The following GALNT18 variants were observed in gnomAD, a reference collection of about 807,000 sequenced individuals.
GALNT18 encodes the protein GalNAc-transferase 18.
GALNT18 carries 44 observed loss-of-function variants against 69.5 expected under a neutral mutation model. The observed-to-expected ratio is 0.63, with a 90% CI of 0.50 to 0.81. The LOEUF is 0.81. GALNT18 is among the 40% of genes least tolerant of loss of function. The pLI, the probability that GALNT18 is intolerant of heterozygous loss-of-function variation, is 0.00. For synonymous variants in GALNT18, 364 were observed against 318.2 expected (o/e 1.14, Z -1.53); for missense variants, 715 against 810.0 (o/e 0.88, Z 1.42).
chr11:11,472,640 T>C (rs1856298380), intron 1 of GALNT18, among the ~76,000 whole-genome samples: 2 of 152,188 alleles, frequency 1.3e-5, no homozygotes, highest in African/African-American at 4.8e-5. Flanking sequence ...GTAATAAAAC[T>C]AATGATTACA....
rs12282462 is a variant in GALNT18 at position 11,359,381 on chromosome 11, A to G, written c.1092+13134T>C. On this transcript the variant is annotated intron_variant, in intron 6 of 10. Coordinates refer to ENST00000227756, the MANE Select transcript of GALNT18 (RefSeq NM_198516.3). ...TTTCCAGCCCTTTAACCGTGGATAC[A>G]TATTTTTTAAAGTCTCAAATAGCAG... Among the ~76,000 whole-genome samples, 4 of 107,636 alleles carry G rather than the reference A, an allele frequency of 3.7e-5. No homozygotes were observed. In the South Asian group the frequency reaches 9.7e-4, roughly 26 times the overall value. 70.6% of individuals were successfully genotyped at this position (107,636 alleles called of 152,430 possible). A position where few individuals can be genotyped will look rare whatever the true frequency, so the allele number is the denominator to read the frequency against.
rs118152761 is a variant in GALNT18, at chr11:11,284,754, G to A, written c.1677+8275C>T. Among the ~76,000 whole-genome samples the A allele has an allele frequency of 6.4e-4, 97 of 152,220 alleles. 1 individual carries two copies. In the East Asian group the frequency reaches 0.016, roughly 25 times the overall value. On this transcript the variant is annotated intron_variant, in intron 10 of 10. Transcript: ENST00000227756. ...GTGAGCTCAGGAGTTTCTAGGTTAAGTAGTTAATGATTAGTAATCAAATAC... is the reference window on the plus strand; with the variant it reads ...GTGAGCTCAGGAGTTTCTAGGTTAAATAGTTAATGATTAGTAATCAAATAC...
intron 4 of GALNT18, among the ~76,000 whole-genome samples, chr11:11,378,863 A>G (rs1416374571): frequency 1.3e-5 from 2 of 152,076 alleles, no homozygotes; most frequent in East Asian, 3.9e-4. Flanking sequence ...CCGTGTGCTG[A>G]CCTGTTGACC....
chr11:11,547,624 C>G (rs1174002329), intron 1 of GALNT18, among the ~76,000 whole-genome samples: 4 of 152,170 alleles, frequency 2.6e-5, no homozygotes, highest in Non-Finnish European at 5.9e-5. Flanking sequence ...CTCCACAGGA[C>G]CTGCTTGCTC....
chr11:11,364,875 G>C (rs1398756117), intron 6 of GALNT18, among the ~76,000 whole-genome samples: 2 of 152,210 alleles, frequency 1.3e-5, no homozygotes, highest in Non-Finnish European at 2.9e-5. Context: ...GGATTAGGCA[G>C]AGGTAAAGAT....
chr11:11,615,740 T>C (rs973664507), intron 1 of GALNT18, among the ~76,000 whole-genome samples: 5 of 152,180 alleles, frequency 3.3e-5, no homozygotes, highest in Non-Finnish European at 7.4e-5. Context: ...TGGAGTTTTG[T>C]TGTTTGCAGG....
In GALNT18 at chr11:11,461,727, C is replaced by G. The variant is rs1856048097; in HGVS notation, c.236-12791G>C. ...TGCTAATGTTAAAGAGGCATGCTTCCCTGACACAGACACACGGATGGGAAC... is the reference window on the plus strand; with the variant it reads ...TGCTAATGTTAAAGAGGCATGCTTCGCTGACACAGACACACGGATGGGAAC... On this transcript the variant is annotated intron_variant, in intron 1 of 10. Coordinates refer to ENST00000227756, the MANE Select transcript of GALNT18 (RefSeq NM_198516.3). The surrounding 1 kb of genome is among the most constrained non-coding windows in gnomAD (Gnocchi z 4.1). Among the ~76,000 whole-genome samples the G allele has an allele frequency of 6.6e-6, 1 of 152,176 alleles. No homozygotes were observed. The highest frequency in any genetic ancestry group is 1.5e-5 in the Non-Finnish European group (1 of 68,046).
chr11:11,385,451 A>G (rs1854030314), intron 3 of GALNT18, among the ~76,000 whole-genome samples: 1 of 151,870 alleles, frequency 6.6e-6, no homozygotes, highest in African/African-American at 2.4e-5. Flanking sequence ...GCTCGCCACC[A>G]CATCCGGCTA....
chr11:11,558,252 T>C (rs1858381890), intron 1 of GALNT18, among the ~76,000 whole-genome samples: 1 of 152,238 alleles, frequency 6.6e-6, no homozygotes, highest in Non-Finnish European at 1.5e-5. Context: ...GTAGGGTTTT[T>C]TTCTCCCCCT....
At chr11:11,530,642 G>T (rs557274753) in intron 1 of GALNT18, among the ~76,000 whole-genome samples, 1 of 152,322 alleles carries the variant, frequency 6.6e-6, no homozygotes, top group East Asian at 1.9e-4. Context: ...GCTGGGACTG[G>T]AGGCCAAGCT....
At position 11,461,632 on chromosome 11, in the gene GALNT18, T is replaced by C. The variant is rs1487777414; in HGVS notation, c.236-12696A>G. 1.3e-5 allele frequency among the ~76,000 whole-genome samples: 2 copies of C among 152,178 alleles called. No individual in the cohort carries two copies. The highest frequency in any genetic ancestry group is 2.9e-5 in the Non-Finnish European group (2 of 68,028). On this transcript the variant is annotated intron_variant, in intron 1 of 10. Coordinates refer to ENST00000227756, the MANE Select transcript of GALNT18 (RefSeq NM_198516.3). The surrounding 1 kb of genome is among the most constrained non-coding windows in gnomAD (Gnocchi z 4.1). The stretch of plus-strand genomic sequence containing the variant: ...GACTTCTAAATATACACTACACTGT[T>C]CACACATAAAACAGTGTTCCCAGTG...
chr11:11,331,985 A>C (rs897439537), intron 8 of GALNT18, among the ~76,000 whole-genome samples: 2 of 152,140 alleles, frequency 1.3e-5, no homozygotes, highest in Non-Finnish European at 2.9e-5. Context: ...TTTTCTGTCT[A>C]AGGTTACATA....
At chr11:11,490,356 G>C (rs762987698) in intron 1 of GALNT18, among the ~76,000 whole-genome samples, 21 of 151,870 alleles carry the variant, frequency 1.4e-4, no homozygotes. Flanking sequence ...TCAGAACTAT[G>C]AGCCAATAAA....
intron 1 of GALNT18, among the ~76,000 whole-genome samples, chr11:11,458,643 A>G (rs1030271502): frequency 3.3e-5 from 5 of 152,220 alleles, no homozygotes; most frequent in African/African-American, 1.2e-4. Flanking sequence ...AGTTCACCCG[A>G]GCACTGCTAA....
At chr11:11,283,830 G>A (rs1474324538) in intron 10 of GALNT18, among the ~76,000 whole-genome samples, 1 of 151,998 alleles carries the variant, frequency 6.6e-6, no homozygotes. Flanking sequence ...GAACTTAATT[G>A]GAATGAAAAC....
At position 11,473,520 on chromosome 11, in the gene GALNT18, G is replaced by T. The variant is rs555430219; in HGVS notation, c.236-24584C>A. 2.6e-5 allele frequency among the ~76,000 whole-genome samples: 4 copies of T among 151,660 alleles called. No individual in the cohort carries two copies. The East Asian group carries it at 7.9e-4, about 30-fold the overall frequency. On this transcript the variant is annotated intron_variant, in intron 1 of 10. Transcript: ENST00000227756. ...AAAGCCTGAGGATTCCAGAAGGCTC[G>T]TTTTGGGCCTAAAGATGGCAGAGTG...
intron 3 of GALNT18, among the ~76,000 whole-genome samples, chr11:11,419,406 G>A (rs1028187937): frequency 1.3e-5 from 2 of 151,872 alleles, no homozygotes; most frequent in Non-Finnish European, 2.9e-5. Context: ...AGACCAGCCT[G>A]GCCAACATGG....
At chr11:11,406,030 C>T (rs7935882) in intron 3 of GALNT18, among the ~76,000 whole-genome samples, 119,051 of 152,166 alleles carry the variant, frequency 0.78, 46,831 homozygotes, top group Middle Eastern at 0.9. Context: ...GCAGAGAGAT[C>T]GGAGAGTCCC....
intron 3 of GALNT18, among the ~76,000 whole-genome samples, chr11:11,412,421 A>G (rs1216057037): frequency 6.6e-6 from 1 of 152,144 alleles, no homozygotes; most frequent in Non-Finnish European, 1.5e-5. Context: ...AGCCTGACTG[A>G]GTCTTATATA....
Sources: gnomAD v4.1 joint callset for allele counts (sites outside exome capture counted in the v4.1 genomes callset) on GRCh38, gnomAD v4.1.1 for gene constraint, Gnocchi (gnomAD v3.1) non-coding constraint, MANE v1.5 for transcripts, NCBI Gene and HGNC (gene_info 2026-07-23, HGNC 2026-07-21) for gene names.